Variants in SRGAP1 observed in about 807,000 individuals in gnomAD.
SRGAP1 encodes SLIT-ROBO Rho GTPase-activating protein 1.
In SRGAP1, 43 loss-of-function variants were observed where a neutral mutation model predicts 121.9. The observed-to-expected ratio is 0.35, with a 90% confidence interval of 0.28 to 0.46. SRGAP1 has a LOEUF of 0.46. Among genes scored for constraint, SRGAP1 ranks in the 20% least tolerant of loss-of-function variants. The pLI is 1.00. For missense variants in SRGAP1, 1,102 were observed against 1,350.9 expected (o/e 0.82, Z 2.89); for synonymous variants, 447 against 485.4 (o/e 0.92, Z 1.04).
chr12:64,059,345 G>A (rs1398885114), intron 6 of SRGAP1, among the ~76,000 whole-genome samples: 1 of 151,956 alleles, frequency 6.6e-6, no homozygotes, highest in African/African-American at 2.4e-5. Context: ...CTGGTGGTTG[G>A]GATTAGATTG....
intron 15 of SRGAP1, among the ~76,000 whole-genome samples, chr12:64,104,235 CT>C (rs1193104890): frequency 3.3e-5 from 5 of 152,166 alleles, no homozygotes; most frequent in South Asian, 2.1e-4. Context: ...TCTAACCCGC[CT>C]GCTGGGAAGT....
chr12:64,045,466 C>T (rs1299946163), intron 6 of SRGAP1, among the ~76,000 whole-genome samples: 1 of 150,768 alleles, frequency 6.6e-6, no homozygotes, highest in Admixed American at 6.6e-5. Context: ...GATGGAGTCT[C>T]ACTCTGTCAC....
intron 4 of SRGAP1, among the ~76,000 whole-genome samples, chr12:64,028,669 A>G (rs1363123269): frequency 6.6e-6 from 1 of 152,210 alleles, no homozygotes; most frequent in Non-Finnish European, 1.5e-5. Flanking sequence ...GTGCCCTCAC[A>G]TGGTTGAAGG....
chr12:64,127,202 G>A (rs1190430161), intron 19 of SRGAP1, among the ~76,000 whole-genome samples: 2 of 152,138 alleles, frequency 1.3e-5, no homozygotes, highest in African/African-American at 2.4e-5. Context: ...TTCTCAGAAC[G>A]TATCCTCGCC....
At position 63,861,309 on chromosome 12, in the gene SRGAP1, T is replaced by A. The variant is rs1465494310; in HGVS notation, c.67+16426T>A. 1.5e-3 allele frequency among the ~76,000 whole-genome samples: 218 copies of A among 149,234 alleles called. 3 individuals are homozygous for A. The East Asian group carries it at 0.02, about 14-fold the overall frequency. The stretch of plus-strand genomic sequence containing the variant: ...AGGCATATATATATATATATTTTTT[T>A]TTTTTTTTGAGGCAAAGTCTTGCTC... On this transcript the variant is annotated intron_variant, in intron 1 of 21. Coordinates refer to ENST00000355086, the MANE Select transcript of SRGAP1 (RefSeq NM_020762.4).
chr12:64,046,911 T>TGAA (rs1169088594), intron 6 of SRGAP1, among the ~76,000 whole-genome samples: 2 of 151,774 alleles, frequency 1.3e-5, no homozygotes, highest in Non-Finnish European at 2.9e-5. Flanking sequence ...CTCCATTTTA[T>TGAA]AGACTGAAAA....
chr12:63,904,415 A>C (rs1345814825), intron 1 of SRGAP1, among the ~76,000 whole-genome samples: 2 of 152,180 alleles, frequency 1.3e-5, no homozygotes, highest in African/African-American at 4.8e-5. Flanking sequence ...ACATGATGGC[A>C]GGAACTGAAG....
chr12:63,923,894 C>T (rs1391270160), intron 1 of SRGAP1, among the ~76,000 whole-genome samples: 1 of 152,222 alleles, frequency 6.6e-6, no homozygotes, highest in African/African-American at 2.4e-5. Flanking sequence ...TGTAATCCCG[C>T]ACTTTGGGAG....
chr12:63,939,282 G>A (rs930229434), intron 1 of SRGAP1, among the ~76,000 whole-genome samples: 4 of 151,920 alleles, frequency 2.6e-5, no homozygotes, highest in Admixed American at 1.3e-4. Context: ...GACTCTTAAC[G>A]GGAGGATGTA....
chr12:63,980,738 C>T (rs976332585), intron 1 of SRGAP1, among the ~76,000 whole-genome samples: 7 of 151,752 alleles, frequency 4.6e-5, no homozygotes, highest in Admixed American at 2.0e-4. Context: ...GGATTATAGG[C>T]GCATGCCACC....
At chr12:63,982,159 C>T (rs1213424023) in intron 1 of SRGAP1, among the ~76,000 whole-genome samples, 9 of 151,286 alleles carry the variant, frequency 5.9e-5, no homozygotes, top group African/African-American at 1.9e-4. Flanking sequence ...TGCAGTGAGC[C>T]GAGATCGCGC....
At chr12:64,093,649 G>T (rs1299553224) in intron 12 of SRGAP1, among the ~76,000 whole-genome samples, 1 of 152,148 alleles carries the variant, frequency 6.6e-6, no homozygotes, top group South Asian at 2.1e-4. Context: ...TTACATTGCT[G>T]TTCCTGAGCC....
At chr12:63,990,926 C>T (rs186459466) in intron 3 of SRGAP1, among the ~76,000 whole-genome samples, 1 of 152,288 alleles carries the variant, frequency 6.6e-6, no homozygotes, top group East Asian at 1.9e-4. Flanking sequence ...CAGAAAATTC[C>T]ATCCCTTACA....
chr12:63,860,207 C>T (rs1425450411), intron 1 of SRGAP1, among the ~76,000 whole-genome samples: 6 of 152,118 alleles, frequency 3.9e-5, no homozygotes, highest in Non-Finnish European at 8.8e-5. Context: ...GACAGGGTTT[C>T]ACCATGTTGC....
chr12:63,993,221 A>T (rs1465252145), intron 3 of SRGAP1, among the ~76,000 whole-genome samples: 3 of 151,582 alleles, frequency 2.0e-5, no homozygotes, highest in African/African-American at 4.8e-5. Context: ...TTTTGTACCC[A>T]TTTATGCCTG....
intron 1 of SRGAP1, among the ~76,000 whole-genome samples, chr12:63,980,193 C>G (rs1205900643): frequency 1.3e-5 from 2 of 152,184 alleles, no homozygotes; most frequent in Non-Finnish European, 2.9e-5. Context: ...GTTGGGATTG[C>G]AGGCATGCAC....
At chr12:64,055,954 C>A (rs1023402811) in intron 6 of SRGAP1, among the ~76,000 whole-genome samples, 1 of 152,140 alleles carries the variant, frequency 6.6e-6, no homozygotes, top group Non-Finnish European at 1.5e-5. Context: ...CAACTCACTA[C>A]TGAGCATCCC....
chr12:64,139,903 T>G (rs1472425034), intron 21 of SRGAP1, among the ~76,000 whole-genome samples: 1 of 151,932 alleles, frequency 6.6e-6, no homozygotes. Context: ...TAATCCATCT[T>G]GAATTGATTT....
intron 12 of SRGAP1, among the ~76,000 whole-genome samples, chr12:64,094,016 T>C (rs2036105897): frequency 6.6e-6 from 1 of 152,186 alleles, no homozygotes; most frequent in African/African-American, 2.4e-5. Flanking sequence ...CCTCACGAAT[T>C]AATACCTGAT....
Sources: gnomAD v4.1 joint callset for allele counts (sites outside exome capture counted in the v4.1 genomes callset) on GRCh38, gnomAD v4.1.1 for gene constraint, MANE v1.5 for transcripts, NCBI Gene and HGNC (gene_info 2026-07-23, HGNC 2026-07-21) for gene names.